The following TPP2 variants were observed in gnomAD, a reference collection of about 807,000 sequenced individuals.
TPP2 encodes the protein tripeptidyl peptidase 2, also known as tripeptidyl-peptidase 2.
TPP2 carries 34 observed loss-of-function variants against 155.9 expected under a neutral mutation model. The observed-to-expected ratio is 0.22, with a 90% CI of 0.17 to 0.29. TPP2 has a LOEUF of 0.29. Ranked by LOEUF, TPP2 falls within the 10% of genes least tolerant of loss-of-function variation. TPP2 has a pLI of 1.00. For synonymous variants in TPP2, 510 were observed against 529.4 expected, an observed-to-expected ratio of 0.96 and a Z score of 0.50; for missense variants, 1,028 against 1,522.3, an observed-to-expected ratio of 0.68 and a Z score of 5.40.
At chr13:102,653,104 G>C (rs1883624015) in intron 24 of TPP2, among the ~76,000 whole-genome samples, 1 of 152,170 alleles carries the variant, frequency 6.6e-6, no homozygotes, top group African/African-American at 2.4e-5. Context: ...TTGGTGATTA[G>C]TAAAGCTTCA....
chr13:102,636,113 A>G (rs1882361337), intron 12 of TPP2, 111 bp from the exon 13 acceptor site: 1 of 1,105,646 alleles, frequency 9.0e-7, no homozygotes. Context: ...AGAGGTGAAT[A>G]TAGACACTAA....
intron 5 of TPP2, among the ~76,000 whole-genome samples, chr13:102,620,880 C>G (rs907522866): frequency 6.6e-6 from 1 of 152,136 alleles, no homozygotes; most frequent in African/African-American, 2.4e-5. Flanking sequence ...GTCATGTTTC[C>G]TTTTAGATTC....
intron 3 of TPP2, among the ~76,000 whole-genome samples, chr13:102,614,596 C>G (rs1880576917): frequency 6.6e-6 from 1 of 152,108 alleles, no homozygotes; most frequent in African/African-American, 2.4e-5. Context: ...GATAATGTCC[C>G]TCCCCTGTTT....
In TPP2 at chr13:102,627,832, T is replaced by G; in HGVS notation, c.940-16T>G. On this transcript the variant is annotated splice_polypyrimidine_tract_variant and intron_variant, in intron 7 of 29. Transcript: ENST00000376052. ...GTAAATTGCTGCCTAAACTAGAGTCTTAATCTCTTTAATAGATGATAGAAG... is the reference window on the plus strand; with the variant it reads ...GTAAATTGCTGCCTAAACTAGAGTCGTAATCTCTTTAATAGATGATAGAAG... The G allele has an allele frequency of 6.3e-7, 1 of 1,599,320 alleles. No individual in the cohort carries two copies. Among genetic ancestry groups the G allele is most frequent in the Non-Finnish European group, 8.6e-7 (1 of 1,167,530 alleles).
chr13:102,618,743 G>T lies in TPP2; in HGVS notation c.517G>T (p.Glu173Ter). The change falls in exon 5 of 30, where the codon GAA becomes TAA. Residue 173 changes from glutamate to a stop codon, truncating the protein, a stop_gained. Transcript: ENST00000376052. LOFTEE classifies it high-confidence loss of function. ...SSQANKLIKE[E>*]LQSQVELLNS... is the part of the protein sequence containing the mutation. The stretch of plus-strand genomic sequence containing the variant: ...CTAGGCAAATAAACTAATCAAGGAG[G>T]AACTTCAAAGTCAAGTGGAATTGCT... The T allele has an allele frequency of 6.2e-7, 1 of 1,613,730 alleles. No individual in the cohort carries two copies. Among genetic ancestry groups the T allele is most frequent in the South Asian group, 1.1e-5 (1 of 91,052 alleles).
At chr13:102,656,840 G>A (rs998325457) in intron 24 of TPP2, 5 of 335,786 alleles carry the variant, frequency 1.5e-5, no homozygotes, top group Admixed American at 5.0e-5. Flanking sequence ...TATTTTAAAG[G>A]AGATATTTGA....
Position 102,670,701 on chromosome 13 carries a change from T to G in TPP2, c.3372-3582T>G, listed in dbSNP as rs147204863. Among the ~76,000 whole-genome samples the G allele has an allele frequency of 2.8e-4, 42 of 152,298 alleles. No homozygotes were observed. In the East Asian group the frequency reaches 6.4e-3, roughly 23 times the overall value. On this transcript the variant is annotated intron_variant, in intron 27 of 29. Transcript: ENST00000376052. ...ATTGCCCTTTAGGATAGAAACAGGT[T>G]TTGTAATGTATCAGTTATGCCCAAG...
intron 10 of TPP2, among the ~76,000 whole-genome samples, chr13:102,633,734 C>A (rs61965650): frequency 1.1e-3 from 163 of 152,206 alleles, no homozygotes; most frequent in Admixed American, 2.2e-3. Flanking sequence ...TTTCTGTACA[C>A]TTACAAGGAA....
At chr13:102,598,006 C>G (rs554445103) in intron 1 of TPP2, among the ~76,000 whole-genome samples, 1 of 151,888 alleles carries the variant, frequency 6.6e-6, no homozygotes, top group South Asian at 2.1e-4. Flanking sequence ...TGAAAACATA[C>G]GACGGTTTTT....
Position 102,679,039 on chromosome 13 carries a change from G to T in TPP2, c.*723G>T, listed in dbSNP as rs1595235808. On this transcript the variant is annotated 3_prime_UTR_variant, in exon 30 of 30. Coordinates refer to ENST00000376052, the MANE Select transcript of TPP2 (RefSeq NM_001330588.2). ...TCAGGTATTGTAAAGATACACATAT[G>T]ATATGTTTATTAAAATTGAAATAAT... is the stretch of plus-strand genomic sequence containing the variant. The T allele has an allele frequency of 6.6e-6, 1 of 152,520 alleles. No individual in the cohort carries two copies. The highest frequency in any genetic ancestry group is 1.9e-4 in the East Asian group (1 of 5,186). The allele number at this position is 152,520 out of a possible 1,614,324, so 9.4% of individuals were successfully genotyped here.
At chr13:102,628,153 C>T (rs1881775150) in intron 8 of TPP2, among the ~76,000 whole-genome samples, 1 of 152,132 alleles carries the variant, frequency 6.6e-6, no homozygotes, top group South Asian at 2.1e-4. Context: ...CTGTTCACTG[C>T]ACCATGCCTG....
intron 17 of TPP2, 30 bp from the exon 18 acceptor site, chr13:102,644,527 G>A (rs773611650): frequency 6.7e-7 from 1 of 1,499,152 alleles, no homozygotes; most frequent in Non-Finnish European, 9.2e-7. Flanking sequence ...AATAAGAAAA[G>A]AGATATATTT....
rs78456912 is a variant in TPP2 at position 102,597,895 on chromosome 13, T to G, written c.165+692T>G. On this transcript the variant is annotated intron_variant, in intron 1 of 29. Transcript: ENST00000376052. ...GTGTTTGCTTAGGGTCATTGAATCT[T>G]GTGGCTTAGTCTTCGTTTACATAAG... 1.6e-3 allele frequency among the ~76,000 whole-genome samples: 247 copies of G among 152,306 alleles called. 3 individuals carry two copies. In the East Asian group the frequency reaches 0.039, roughly 24 times the overall value.
At chr13:102,677,343 G>A (rs1460823112) in intron 29 of TPP2, among the ~76,000 whole-genome samples, 1 of 141,100 alleles carries the variant, frequency 7.1e-6, no homozygotes, top group African/African-American at 2.8e-5. Flanking sequence ...ATCAGGGAGT[G>A]TTTCTTAACT....
At chr13:102,602,564 T>C (rs565983407) in intron 1 of TPP2, among the ~76,000 whole-genome samples, 2 of 152,306 alleles carry the variant, frequency 1.3e-5, no homozygotes, top group African/African-American at 4.8e-5. Context: ...GGCAACAAGA[T>C]TGAAATGAGA....
intron 13 of TPP2, among the ~76,000 whole-genome samples, 183 bp downstream of exon 13, chr13:102,636,575 G>T (rs1459197333): frequency 1.3e-5 from 2 of 152,162 alleles, no homozygotes; most frequent in Non-Finnish European, 2.9e-5. Flanking sequence ...TTGTACAATG[G>T]CAATTTAGTT....
intron 6 of TPP2, among the ~76,000 whole-genome samples, chr13:102,623,563 C>CA (rs1167276896): frequency 2.0e-5 from 3 of 151,794 alleles, no homozygotes; most frequent in Non-Finnish European, 2.9e-5. Flanking sequence ...AACTCCATCT[C>CA]AAAAAAAATC....
At chr13:102,644,235 T>C (rs1882951838) in intron 17 of TPP2, among the ~76,000 whole-genome samples, 1 of 152,232 alleles carries the variant, frequency 6.6e-6, no homozygotes, top group Non-Finnish European at 1.5e-5. Context: ...TGATTATTTT[T>C]CTTTTGGTCC....
At chr13:102,636,728 A>G (rs1406448362) in intron 13 of TPP2, among the ~76,000 whole-genome samples, 1 of 152,222 alleles carries the variant, frequency 6.6e-6, no homozygotes, top group Non-Finnish European at 1.5e-5. Context: ...AAGAATGAAA[A>G]GTAGAAGCAG....
Sources: allele counts gnomAD v4.1 joint callset (sites outside exome capture counted in the v4.1 genomes callset), GRCh38; gene constraint gnomAD v4.1.1; transcripts MANE v1.5; gene names NCBI Gene and HGNC (gene_info 2026-07-23, HGNC 2026-07-21).